The following FAM78B variants were observed in gnomAD, a reference collection of about 807,000 sequenced individuals.
FAM78B encodes the protein protein FAM78B.
FAM78B carries 10 observed loss-of-function variants against 20.0 expected under a neutral mutation model. The observed-to-expected ratio is 0.50, with a 90% CI of 0.31 to 0.85. The LOEUF is 0.85. Among genes scored for constraint, FAM78B ranks in the 40% least tolerant of loss-of-function variants. FAM78B has a pLI of 0.05. For missense variants in FAM78B, 283 were observed against 345.0 expected (o/e 0.82, Z 1.42); for synonymous variants, 135 against 132.8 (o/e 1.02, Z -0.12).
In FAM78B at chr1:166,070,445, C is replaced by T. The variant is rs370452969; in HGVS notation, c.582G>A (p.Arg194=). ...GAAGAGGGTCCACTTCAATGTCCAC[C>T]CTCATCCTCCACTTGATGGTCTGCA... ...IILQTIKWRM[R]VDIEVDPLQL... is the part of the protein sequence containing the mutation. The change falls in exon 2 of 2, where the codon AGG becomes AGA. Residue 194 remains arginine (R), a synonymous_variant. Coordinates refer to ENST00000354422, the MANE Select transcript of FAM78B (RefSeq NM_001017961.5). 12 of 1,614,078 alleles carry T rather than the reference C, an allele frequency of 7.4e-6. No homozygotes were observed. The highest frequency in any genetic ancestry group is 1.0e-5 in the Non-Finnish European group (12 of 1,180,034).
intron 1 of FAM78B, among the ~76,000 whole-genome samples, chr1:166,093,698 G>A (rs902847699): frequency 1.3e-5 from 2 of 151,882 alleles, no homozygotes; most frequent in African/African-American, 2.4e-5. Flanking sequence ...CTGATCAGCC[G>A]AGGCTTCTCC....
chr1:166,147,542 G>A (rs747740360), intron 1 of FAM78B, among the ~76,000 whole-genome samples: 19 of 152,154 alleles, frequency 1.2e-4, no homozygotes, highest in Admixed American at 3.9e-4. Context: ...TGCGTTCCCC[G>A]TGCTCAGACA....
intron 1 of FAM78B, among the ~76,000 whole-genome samples, chr1:166,090,994 G>T (rs535305638): frequency 2.1e-3 from 323 of 152,282 alleles, no homozygotes; most frequent in African/African-American, 7.2e-3. Context: ...ACTGAGGTTT[G>T]GGGAGGTGAA....
chr1:166,134,460 C>A (rs1266591182), intron 1 of FAM78B, among the ~76,000 whole-genome samples: 1 of 151,942 alleles, frequency 6.6e-6, no homozygotes, highest in Non-Finnish European at 1.5e-5. Flanking sequence ...TTTTCCAAAT[C>A]ATTTGAGAGA....
chr1:166,163,821 A>G (rs1411117216), intron 1 of FAM78B, among the ~76,000 whole-genome samples: 1 of 152,246 alleles, frequency 6.6e-6, no homozygotes, highest in Non-Finnish European at 1.5e-5. Context: ...AATCTATAAT[A>G]ATATGCTTTA....
At chr1:166,076,542 TTTA>T (rs1412634418) in intron 1 of FAM78B, among the ~76,000 whole-genome samples, 1 of 152,182 alleles carries the variant, frequency 6.6e-6, no homozygotes, top group Non-Finnish European at 1.5e-5. Flanking sequence ...ACATCTCTGC[TTTA>T]TTTTTTCTCC....
chr1:166,060,490 C>A (rs1489369990), exon 3 of FAM78B: 1 of 733,418 alleles, frequency 1.4e-6, no homozygotes, highest in Admixed American at 2.3e-5. Flanking sequence ...GTAGGAGGGA[C>A]TGGTCACGGG....
chr1:166,119,662 G>C (rs1196599050), intron 1 of FAM78B, among the ~76,000 whole-genome samples: 2 of 152,192 alleles, frequency 1.3e-5, no homozygotes, highest in Non-Finnish European at 2.9e-5. Flanking sequence ...TACAGTTTCT[G>C]CATTTCCACT....
intron 1 of FAM78B, among the ~76,000 whole-genome samples, chr1:166,165,330 G>A (rs1656322127): frequency 1.3e-5 from 2 of 152,192 alleles, no homozygotes; most frequent in African/African-American, 4.8e-5. Context: ...TTCTTGGCCG[G>A]GACGCACTCG....
At chr1:166,128,964 G>A (rs947686797) in intron 1 of FAM78B, among the ~76,000 whole-genome samples, 8 of 152,182 alleles carry the variant, frequency 5.3e-5, no homozygotes, top group Non-Finnish European at 1.2e-4. Context: ...CATGGGAGGA[G>A]GTGAAGCAAG....
chr1:166,113,945 G>A (rs928978422), intron 1 of FAM78B, among the ~76,000 whole-genome samples: 1 of 152,198 alleles, frequency 6.6e-6, no homozygotes, highest in East Asian at 1.9e-4. Flanking sequence ...TCAAACACAG[G>A]TCAAAAGAAA....
At chr1:166,138,961 T>C (rs2101786880) in intron 1 of FAM78B, among the ~76,000 whole-genome samples, 1 of 152,374 alleles carries the variant, frequency 6.6e-6, no homozygotes, top group Non-Finnish European at 1.5e-5. Context: ...ACCCCTCAAA[T>C]AATTCCAGAC....
intron 1 of FAM78B, among the ~76,000 whole-genome samples, chr1:166,106,498 C>T (rs1571167490): frequency 6.6e-6 from 1 of 151,370 alleles, no homozygotes; most frequent in African/African-American, 2.4e-5. Flanking sequence ...ATACAATATA[C>T]AAAAGAATGA....
chr1:166,098,741 A>T (rs1374720998), intron 1 of FAM78B, among the ~76,000 whole-genome samples: 1 of 152,130 alleles, frequency 6.6e-6, no homozygotes, highest in Non-Finnish European at 1.5e-5. Context: ...GTCTGGGATT[A>T]TGTTAAATGA....
intron 1 of FAM78B, among the ~76,000 whole-genome samples, chr1:166,140,246 C>T (rs765313309): frequency 3.3e-5 from 5 of 152,232 alleles, no homozygotes; most frequent in Non-Finnish European, 7.3e-5. Context: ...CGCCAACATG[C>T]GGCTTCTAAG....
chr1:166,160,126 T>A lies in FAM78B; in HGVS notation c.263+5860A>T, dbSNP rs145902609. Among the ~76,000 whole-genome samples, 27 of 152,322 alleles carry A rather than the reference T, an allele frequency of 1.8e-4. 1 individual carries two copies. The East Asian group carries it at 4.2e-3, about 24-fold the overall frequency. ...TGGCCTGGAGACTCATCAGGCTCCC[T>A]GGACAGATGGGCTGATCTGGTCCTC... On this transcript the variant is annotated intron_variant, in intron 1 of 1. Transcript: ENST00000354422.
In FAM78B at chr1:166,094,892, T is replaced by C. The variant is rs532118469; in HGVS notation, c.264-24129A>G. Among the ~76,000 whole-genome samples the C allele has an allele frequency of 2.0e-5, 3 of 152,332 alleles. No homozygotes were observed. In the East Asian group the frequency reaches 5.8e-4, roughly 29 times the overall value. Reference sequence around the variant, plus strand: ...GAGGGTTTAGAGCATGCTACATAAATTTCTTTGTTTCACCTTCAGAATGAC... The same window carrying C: ...GAGGGTTTAGAGCATGCTACATAAACTTCTTTGTTTCACCTTCAGAATGAC... On this transcript the variant is annotated intron_variant, in intron 1 of 1. Coordinates refer to ENST00000354422, the MANE Select transcript of FAM78B (RefSeq NM_001017961.5).
At chr1:166,160,518 C>T (rs2101806179) in intron 1 of FAM78B, among the ~76,000 whole-genome samples, 1 of 152,346 alleles carries the variant, frequency 6.6e-6, no homozygotes, top group East Asian at 1.9e-4. Flanking sequence ...AGAAACAAAC[C>T]ATCTGGTGGG....
At chr1:166,094,379 C>T (rs1169883680) in intron 1 of FAM78B, among the ~76,000 whole-genome samples, 1 of 152,170 alleles carries the variant, frequency 6.6e-6, no homozygotes, top group Non-Finnish European at 1.5e-5. Flanking sequence ...CCATGTAGGG[C>T]TCAGTCTCAT....
Sources: allele counts gnomAD v4.1 joint callset (sites outside exome capture counted in the v4.1 genomes callset), GRCh38; gene constraint gnomAD v4.1.1; transcripts MANE v1.5; gene names NCBI Gene and HGNC (gene_info 2026-07-23, HGNC 2026-07-21).